Variants in ULK4 observed in about 807,000 individuals in gnomAD.
The protein encoded by ULK4 is unc-51 like kinase 4.
ULK4 carries 133 observed loss-of-function variants against 160.6 expected under a neutral mutation model. The ratio of observed to expected loss-of-function variants is 0.83; its 90% CI spans 0.72 to 0.96. The LOEUF (loss-of-function observed/expected upper bound fraction) is 0.96, where lower values mean the gene tolerates loss of function less well. Among genes scored for constraint, ULK4 ranks in the 40% least tolerant of loss-of-function variants. The probability of loss-of-function intolerance (pLI) is 0.00; values close to 1 mark genes in which losing one functional copy is unlikely to be tolerated. For synonymous variants in ULK4, 534 were observed against 539.8 expected, an observed-to-expected ratio of 0.99 and a Z score of 0.15; for missense variants, 1,580 against 1,499.5, an observed-to-expected ratio of 1.05 and a Z score of -0.89.
At chr3:41,447,463 T>TA (rs1220513922) in intron 34 of ULK4, among the ~76,000 whole-genome samples, 4 of 152,124 alleles carry the variant, frequency 2.6e-5, no homozygotes, top group East Asian at 1.9e-4. Flanking sequence ...AAAATGCCAT[T>TA]AAAAAAACAT....
chr3:41,394,462 A>G (rs2082015272), intron 35 of ULK4, among the ~76,000 whole-genome samples: 1 of 152,156 alleles, frequency 6.6e-6, no homozygotes, highest in African/African-American at 2.4e-5. Flanking sequence ...ATCATGGCCC[A>G]GCATACCTTA....
intron 22 of ULK4, among the ~76,000 whole-genome samples, chr3:41,748,268 CACACACGATATATATTATATATAT>C (rs2038490090): frequency 1.3e-5 from 2 of 150,478 alleles, no homozygotes; most frequent in South Asian, 4.2e-4. Context: ...TATATATATA[CACACACGATATATATTATATATAT>C]ACACACACAC....
At chr3:41,808,038 G>A (rs2040703321) in intron 19 of ULK4, among the ~76,000 whole-genome samples, 1 of 152,080 alleles carries the variant, frequency 6.6e-6, no homozygotes, top group African/African-American at 2.4e-5. Flanking sequence ...AGCCTTAACT[G>A]GACAGGTACC....
chr3:41,882,529 T>A (rs1224932818), intron 17 of ULK4, among the ~76,000 whole-genome samples: 2 of 152,230 alleles, frequency 1.3e-5, no homozygotes, highest in African/African-American at 4.8e-5. Flanking sequence ...ATAATCTTTA[T>A]CCTCTTTCTT....
At chr3:41,737,302 T>C (rs1333286348) in intron 22 of ULK4, among the ~76,000 whole-genome samples, 1 of 151,924 alleles carries the variant, frequency 6.6e-6, no homozygotes, top group African/African-American at 2.4e-5. Context: ...GAATCCAACT[T>C]ACAAGGGATG....
At chr3:41,310,985 C>T (rs544261144) in intron 35 of ULK4, among the ~76,000 whole-genome samples, 1 of 150,352 alleles carries the variant, frequency 6.7e-6, no homozygotes, top group Non-Finnish European at 1.5e-5. Context: ...AGAGGGAGAC[C>T]TCGTCTCAAA....
intron 30 of ULK4, among the ~76,000 whole-genome samples, chr3:41,642,110 G>C (rs2034233523): frequency 6.6e-6 from 1 of 152,082 alleles, no homozygotes; most frequent in Non-Finnish European, 1.5e-5. Context: ...CTGACCTCAG[G>C]TGATCCGCCT....
chr3:41,485,195 C>T (rs1168891570), intron 32 of ULK4, among the ~76,000 whole-genome samples: 1 of 152,104 alleles, frequency 6.6e-6, no homozygotes, highest in Non-Finnish European at 1.5e-5. Flanking sequence ...TGCTATTACC[C>T]ATTTTGCAAG....
intron 21 of ULK4, among the ~76,000 whole-genome samples, chr3:41,774,715 A>G (rs2125925175): frequency 6.6e-6 from 1 of 150,560 alleles, no homozygotes; most frequent in South Asian, 2.1e-4. Flanking sequence ...CAGCCATCCC[A>G]TTACTGGGTA....
chr3:41,663,979 A>T (rs552461755), intron 29 of ULK4, among the ~76,000 whole-genome samples: 73 of 152,334 alleles, frequency 4.8e-4, no homozygotes, highest in African/African-American at 1.7e-3. Flanking sequence ...TAGAAATAAT[A>T]TACCATAAGG....
rs565727539 is a variant in ULK4, at chr3:41,941,755, C to CAAAA, written c.139-3562_139-3559dup. 8.1e-4 allele frequency among the ~76,000 whole-genome samples: 25 copies of CAAAA among 30,752 alleles called. 2 individuals carry two copies. The highest frequency in any genetic ancestry group is 1.5e-3 in the African/African-American group (19 of 12,360). 20.2% of individuals were successfully genotyped at this position (30,752 alleles called of 152,430 possible). On this transcript the variant is annotated intron_variant, in intron 2 of 36. Transcript: ENST00000301831. Reference sequence around the variant, plus strand: ...TGAGTGACAGAGTGAGACTCTGTCTCAAAAAAAAAAAAAAAAAAAAAAAAG... The same window carrying CAAAA: ...TGAGTGACAGAGTGAGACTCTGTCTCAAAAAAAAAAAAAAAAAAAAAAAAAAAAG...
chr3:41,733,103 G>A (rs1413617049), intron 22 of ULK4, among the ~76,000 whole-genome samples: 1 of 151,892 alleles, frequency 6.6e-6, no homozygotes, highest in Non-Finnish European at 1.5e-5. Context: ...CCAGAAGAGA[G>A]GATTTTTAAT....
chr3:41,693,395 G>C (rs1324783852), intron 27 of ULK4, among the ~76,000 whole-genome samples: 1 of 152,120 alleles, frequency 6.6e-6, no homozygotes, highest in Non-Finnish European at 1.5e-5. Flanking sequence ...TATGAACAAG[G>C]TTATTTATTG....
At chr3:41,803,239 C>T (rs1173087582) in intron 19 of ULK4, among the ~76,000 whole-genome samples, 2 of 151,012 alleles carry the variant, frequency 1.3e-5, no homozygotes, top group African/African-American at 4.9e-5. Flanking sequence ...CATTGGATAA[C>T]ACTATTAACT....
chr3:41,461,033 T>A (rs138053032), intron 33 of ULK4, among the ~76,000 whole-genome samples: 14 of 152,208 alleles, frequency 9.2e-5, no homozygotes, highest in African/African-American at 3.4e-4. Context: ...CTGCCTCCAT[T>A]ATCTTTCACA....
At chr3:41,713,538 GA>G (rs1225468509) in intron 25 of ULK4, among the ~76,000 whole-genome samples, 1 of 152,046 alleles carries the variant, frequency 6.6e-6, no homozygotes, top group Non-Finnish European at 1.5e-5. Context: ...TTCAAACTAC[GA>G]AAATAGACTG....
chr3:41,676,620 G>C (rs941602071), intron 29 of ULK4, among the ~76,000 whole-genome samples: 2 of 151,990 alleles, frequency 1.3e-5, no homozygotes, highest in African/African-American at 4.8e-5. Context: ...TGAAATTCTT[G>C]GAACTGTCAG....
intron 32 of ULK4, among the ~76,000 whole-genome samples, chr3:41,463,539 T>C (rs570481162): frequency 2.7e-4 from 41 of 152,238 alleles, no homozygotes; most frequent in Non-Finnish European, 4.9e-4. Flanking sequence ...TGGGCAGGCT[T>C]CACAGGGTCT....
intron 31 of ULK4, among the ~76,000 whole-genome samples, chr3:41,588,567 G>T (rs1326742345): frequency 6.6e-6 from 1 of 152,126 alleles, no homozygotes. Flanking sequence ...AGCCATTCTA[G>T]CCTGGCTGTA....
Sources: gnomAD v4.1 joint callset for allele counts (sites outside exome capture counted in the v4.1 genomes callset) on GRCh38, gnomAD v4.1.1 for gene constraint, MANE v1.5 for transcripts, NCBI Gene and HGNC (gene_info 2026-07-23, HGNC 2026-07-21) for gene names.